APOL4: variants seen among roughly 807,000 people sequenced by gnomAD.
APOL4 encodes apolipoprotein L4.
APOL4 carries 14 observed loss-of-function variants against 12.1 expected under a neutral mutation model. The observed-to-expected ratio is 1.16, with a 90% CI of 0.76 to 1.81. APOL4 has a LOEUF of 1.81. Among genes scored for constraint, APOL4 ranks in the 40% most tolerant of loss-of-function variants. APOL4 has a pLI of 0.00. For synonymous variants in APOL4, 171 were observed against 160.6 expected, an observed-to-expected ratio of 1.06 and a Z score of -0.49; for missense variants, 432 against 423.1, an observed-to-expected ratio of 1.02 and a Z score of -0.18.
In APOL4 at chr22:36,197,810, G is replaced by C. The variant is rs1418625960; in HGVS notation, c.82+1520C>G. The stretch of plus-strand genomic sequence containing the variant: ...CTGTAACCAGCTGTAGGGACAGGGG[G>C]AGGGGATGGGCCCAGAGGACCCTGA... On this transcript the variant is annotated intron_variant, in intron 2 of 3. Transcript: ENST00000683024. The C allele has an allele frequency of 8.4e-6, 13 of 1,549,504 alleles. No homozygotes were observed. The East Asian group carries it at 3.2e-4, about 38-fold the overall frequency.
intron 2 of APOL4, among the ~76,000 whole-genome samples, chr22:36,195,766 TCTCTCTCTCTCACACA>T (rs1165854357): frequency 7.0e-5 from 8 of 115,096 alleles, no homozygotes; most frequent in South Asian, 4.5e-4. Context: ...TCTCTCTCTC[TCTCTCTCTCTCACACA>T]CACACACACA....
intron 2 of APOL4, among the ~76,000 whole-genome samples, chr22:36,198,439 T>C (rs550567487): frequency 2.6e-5 from 4 of 152,362 alleles, no homozygotes; most frequent in African/African-American, 9.6e-5. Context: ...TTTTCTCTAT[T>C]TATGAACTCC....
In APOL4 at chr22:36,191,892, T is replaced by C. The variant is rs758551863; in HGVS notation, c.230A>G (p.Tyr77Cys). 1.2e-5 allele frequency: 20 copies of C among 1,603,918 alleles called. No homozygotes were observed. In the African/African-American group the frequency reaches 2.5e-4, roughly 20 times the overall value. Residue 77 changes from tyrosine to cysteine, a missense_variant, in exon 4 of 4, where the codon TAT (tyrosine) becomes TGT (cysteine). Transcript: ENST00000683024. ...TGGTGTAAGATTCTTCAGAGCTTCATAGAGAGCATCTGCCTCTTCCCTGTA... is the reference window on the plus strand; with the variant it reads ...TGGTGTAAGATTCTTCAGAGCTTCACAGAGAGCATCTGCCTCTTCCCTGTA... The part of the protein sequence containing the change: ...ELPREEADAL[Y>C]EALKNLTPYV...
intron 2 of APOL4, among the ~76,000 whole-genome samples, chr22:36,197,261 G>C (rs942333532): frequency 6.6e-6 from 1 of 152,200 alleles, no homozygotes; most frequent in African/African-American, 2.4e-5. Context: ...CCAGTTTGCT[G>C]TCCAGGGCGG....
rs533510674 is a variant in APOL4, at chr22:36,194,993, T to G, written c.209+318A>C. 1.5e-4 allele frequency: 32 copies of G among 220,666 alleles called. 1 individual carries two copies. The East Asian group carries it at 2.2e-3, about 15-fold the overall frequency. 13.7% of individuals were successfully genotyped at this position (220,666 alleles called of 1,614,324 possible). On this transcript the variant is annotated intron_variant, in intron 3 of 3. Transcript: ENST00000683024. ...TATGCTAAATACTTTACATGCATTATCTTATTTTTCTCACAATAAAGCTCA... is the reference window on the plus strand; with the variant it reads ...TATGCTAAATACTTTACATGCATTAGCTTATTTTTCTCACAATAAAGCTCA...
At position 36,190,778 on chromosome 22, in the gene APOL4, G is replaced by A. The variant is rs1037030212; in HGVS notation, c.*297C>T. ...ATGCTCTACAATTTGTGCAGTTAAC[G>A]CAATTATCACATGGTCCTGAGGTGA... On this transcript the variant is annotated 3_prime_UTR_variant, in exon 4 of 4. Coordinates refer to ENST00000683024, the MANE Select transcript of APOL4 (RefSeq NM_001386885.1). 13 of 314,588 alleles carry A rather than the reference G, an allele frequency of 4.1e-5. No homozygotes were observed. The highest frequency in any genetic ancestry group is 1.4e-4 in the South Asian group (3 of 22,060). The allele number at this position is 314,588 out of a possible 1,614,324, so 19.5% of individuals were successfully genotyped here.
At position 36,191,811 on chromosome 22, in the gene APOL4, C is replaced by T; in HGVS notation, c.311G>A (p.Trp104Ter). Residue 104 changes from tryptophan to a stop codon, truncating the protein, a stop_gained, in exon 4 of 4, where the codon TGG (tryptophan) becomes TAG (stop). Coordinates refer to ENST00000683024, the MANE Select transcript of APOL4 (RefSeq NM_001386885.1). LOFTEE classifies it low-confidence loss of function (END_TRUNC). The part of the protein sequence containing the change: ...MQQKEQQFRE[W>*]FLKEFPQIRW... ...GATTTGAGGAAACTCTTTCAAAAACCACTCCCTAAACTGCTGTTCTTTTTG... is the reference window on the plus strand; with the variant it reads ...GATTTGAGGAAACTCTTTCAAAAACTACTCCCTAAACTGCTGTTCTTTTTG... 1.9e-6 allele frequency: 3 copies of T among 1,613,948 alleles called. No homozygotes were observed. Among genetic ancestry groups the T allele is most frequent in the Non-Finnish European group, 1.7e-6 (2 of 1,179,894 alleles).
intron 2 of APOL4, among the ~76,000 whole-genome samples, chr22:36,196,169 G>T (rs919448506): frequency 6.6e-6 from 1 of 152,178 alleles, no homozygotes; most frequent in Non-Finnish European, 1.5e-5. Flanking sequence ...CTTTACACCA[G>T]TGTCTTCAAA....
At position 36,189,923 on chromosome 22, in the gene APOL4, G is replaced by A. The variant is rs5756093; in HGVS notation, c.*1152C>T. ...CGCCCTCTTTATTCCCCTAAAAAAT[G>A]TCTGCGTTTTGTCCCGGCCTGTGTC... On this transcript the variant is annotated 3_prime_UTR_variant, in exon 4 of 4. Transcript: ENST00000683024. 4,298 of 194,110 alleles carry A rather than the reference G, an allele frequency of 0.022. 305 individuals are homozygous for A. The highest frequency in any genetic ancestry group is 0.15 in the Admixed American group (2,951 of 19,902). 12.0% of individuals were successfully genotyped at this position (194,110 alleles called of 1,614,324 possible).
rs1043197560 is a variant in APOL4, at chr22:36,189,741, C to T, written c.*1334G>A. On this transcript the variant is annotated 3_prime_UTR_variant, in exon 4 of 4. Coordinates refer to ENST00000683024, the MANE Select transcript of APOL4 (RefSeq NM_001386885.1). ...TAGTCTAGAGTAAACTGCTTCTTTC[C>T]ATTCCCCACACTCTCCAGTCCCCTC... 1.3e-5 allele frequency: 2 copies of T among 152,654 alleles called. No individual in the cohort carries two copies. The highest frequency in any genetic ancestry group is 4.8e-5 in the African/African-American group (2 of 41,358). The allele number at this position is 152,654 out of a possible 1,614,324, so 9.5% of individuals were successfully genotyped here.
chr22:36,197,831 C>T (rs898752082), intron 2 of APOL4: 1 of 1,545,938 alleles, frequency 6.5e-7, no homozygotes, highest in Non-Finnish European at 8.7e-7. Flanking sequence ...CCCAGAGGAC[C>T]CTGACAAACA....
chr22:36,203,731 C>T (rs2014650804), upstream of APOL4, among the ~76,000 whole-genome samples: 1 of 152,164 alleles, frequency 6.6e-6, no homozygotes. Flanking sequence ...CTAGCTTGTC[C>T]ATATGGACAG....
upstream of APOL4, among the ~76,000 whole-genome samples, chr22:36,203,975 G>C (rs1215803746): frequency 6.6e-6 from 1 of 152,176 alleles, no homozygotes; most frequent in Non-Finnish European, 1.5e-5. Flanking sequence ...TCACCCCAGA[G>C]GTCTGAACAG....
chr22:36,199,596 A>G, intron 1 of APOL4: 1 of 1,555,786 alleles, frequency 6.4e-7, no homozygotes, highest in Non-Finnish European at 8.7e-7. Flanking sequence ...CACCAAGGAA[A>G]AGTCCGCTTG....
chr22:36,199,569 C>T (rs1375735169), intron 1 of APOL4, 193 bp from the exon 2 acceptor site: 1 of 1,566,084 alleles, frequency 6.4e-7, no homozygotes, highest in Non-Finnish European at 8.7e-7. Flanking sequence ...TTCCAGCTCC[C>T]TCTTCCCTCA....
upstream of APOL4, chr22:36,204,745 T>G: frequency 3.1e-6 from 1 of 321,298 alleles, no homozygotes; most frequent in African/African-American, 2.2e-5. Flanking sequence ...CCCCAAGATA[T>G]ACCCAGGAAT....
chr22:36,195,258 G>T (rs1256778999), intron 3 of APOL4, 53 bp downstream of exon 3: 21 of 1,586,892 alleles, frequency 1.3e-5, no homozygotes, highest in Admixed American at 7.1e-5. Flanking sequence ...AGCCCGGGGA[G>T]ATCTGGGTGG....
upstream of APOL4, among the ~76,000 whole-genome samples, chr22:36,203,614 G>A (rs1442020575): frequency 6.6e-6 from 1 of 152,166 alleles, no homozygotes; most frequent in Non-Finnish European, 1.5e-5. Context: ...CATGGAAACA[G>A]GACGTGAAGC....
chr22:36,193,188 C>G (rs1044241423), intron 3 of APOL4, among the ~76,000 whole-genome samples: 2 of 152,270 alleles, frequency 1.3e-5, no homozygotes, highest in South Asian at 4.2e-4. Flanking sequence ...TAGCAGGAAC[C>G]CCCCACTCTG....
Sources: allele counts gnomAD v4.1 joint callset (sites outside exome capture counted in the v4.1 genomes callset), GRCh38; gene constraint gnomAD v4.1.1; transcripts MANE v1.5; gene names NCBI Gene and HGNC (gene_info 2026-07-23, HGNC 2026-07-21).